The following HDAC9 variants were observed in gnomAD, a reference collection of about 807,000 sequenced individuals.
The protein encoded by HDAC9 is histone deacetylase 9, also known as MEF-2 interacting transcription repressor (MITR) protein.
Under a neutral mutation model 139.4 loss-of-function variants are expected in HDAC9, and 41 were observed. The ratio of observed to expected loss-of-function variants is 0.29; its 90% CI spans 0.23 to 0.38. The LOEUF (loss-of-function observed/expected upper bound fraction) is 0.38, where lower values mean the gene tolerates loss of function less well. HDAC9 is among the 10% of genes least tolerant of loss of function. The probability of loss-of-function intolerance (pLI) is 1.00; values close to 1 mark genes in which losing one functional copy is unlikely to be tolerated. For synonymous variants in HDAC9, 517 were observed against 476.2 expected (o/e 1.09, Z -1.12); for missense variants, 1,147 against 1,297.0 (o/e 0.88, Z 1.78).
At chr7:18,646,451 C>A (rs1787449412) in intron 9 of HDAC9, among the ~76,000 whole-genome samples, 2 of 152,086 alleles carry the variant, frequency 1.3e-5, no homozygotes, top group Non-Finnish European at 2.9e-5. Context: ...ATGAGGCCAT[C>A]ACAATTAATT....
At chr7:18,975,751 G>T in intron 24 of HDAC9, 55 bp from the exon 25 acceptor site, 1 of 1,542,476 alleles carries the variant, frequency 6.5e-7, no homozygotes, top group Admixed American at 1.7e-5. Context: ...TGAGTATTCT[G>T]ATTATTACTG....
chr7:18,377,061 G>T (rs540285276), intron 1 of HDAC9, among the ~76,000 whole-genome samples: 1 of 152,108 alleles, frequency 6.6e-6, no homozygotes, highest in African/African-American at 2.4e-5. Flanking sequence ...TATAGCACCA[G>T]TTTCTGTTCT....
chr7:18,330,802 A>C (rs1800861644), intron 1 of HDAC9, among the ~76,000 whole-genome samples: 1 of 151,742 alleles, frequency 6.6e-6, no homozygotes, highest in African/African-American at 2.4e-5. Flanking sequence ...TAATAAATTC[A>C]CAAGCTTAGA....
chr7:18,829,357 C>A, intron 18 of HDAC9, 104 bp from the exon 19 acceptor site: 2 of 1,109,520 alleles, frequency 1.8e-6, no homozygotes, highest in Non-Finnish European at 2.8e-6. Context: ...AGATTTATGG[C>A]TTCAGAGATC....
intron 21 of HDAC9, among the ~76,000 whole-genome samples, chr7:18,872,851 G>A (rs1377571554): frequency 6.6e-6 from 1 of 152,006 alleles, no homozygotes; most frequent in African/African-American, 2.4e-5. Context: ...TCTGATAGAG[G>A]GAAAAGAGAT....
chr7:18,400,773 ATCCTGAGGCCCAGAAAAG>A (rs1787467699), intron 1 of HDAC9, among the ~76,000 whole-genome samples: 1 of 152,190 alleles, frequency 6.6e-6, no homozygotes, highest in Non-Finnish European at 1.5e-5. Flanking sequence ...AAAGCCATGA[ATCCTGAGGCCCAGAAAAG>A]GAGGAACAGA....
At chr7:18,921,364 C>T (rs1346689819) in intron 22 of HDAC9, among the ~76,000 whole-genome samples, 1 of 152,008 alleles carries the variant, frequency 6.6e-6, no homozygotes, top group Non-Finnish European at 1.5e-5. Flanking sequence ...AGAATCTACA[C>T]TGAACTCAAC....
chr7:18,984,848 T>C (rs1563106776), intron 25 of HDAC9, among the ~76,000 whole-genome samples: 2 of 152,138 alleles, frequency 1.3e-5, no homozygotes, highest in Admixed American at 6.5e-5. Context: ...AGAAAATCTA[T>C]GTCAATTCCC....
At chr7:18,641,750 A>G (rs188000793) in intron 8 of HDAC9, among the ~76,000 whole-genome samples, 39 of 152,160 alleles carry the variant, frequency 2.6e-4, no homozygotes, top group African/African-American at 7.7e-4. Context: ...GCTCACTGCA[A>G]TGCTAAGGTG....
At chr7:18,696,907 C>T (rs963613651) in intron 12 of HDAC9, among the ~76,000 whole-genome samples, 3 of 151,954 alleles carry the variant, frequency 2.0e-5, no homozygotes, top group Admixed American at 6.6e-5. Context: ...ATCACATTCT[C>T]GGTGAGCATC....
At chr7:18,183,260 C>T (rs1178336) in intron 2 of HDAC9, among the ~76,000 whole-genome samples, 126,102 of 152,138 alleles carry the variant, frequency 0.83, 52,564 homozygotes, top group African/African-American at 0.91. Context: ...CCGCCCGCCT[C>T]GGCCTCCCAA....
chr7:18,416,515 A>G (rs1317063979), intron 1 of HDAC9, among the ~76,000 whole-genome samples: 1 of 151,964 alleles, frequency 6.6e-6, no homozygotes, highest in African/African-American at 2.4e-5. Flanking sequence ...AGAATTTGCA[A>G]GTGAAGTCAT....
intron 12 of HDAC9, among the ~76,000 whole-genome samples, chr7:18,676,669 G>A (rs1781532281): frequency 6.6e-6 from 1 of 151,684 alleles, no homozygotes; most frequent in African/African-American, 2.4e-5. Context: ...TATTTCAATT[G>A]TCTGACAAAC....
Position 18,504,680 on chromosome 7 carries a change from C to T in HDAC9, c.22+8356C>T, listed in dbSNP as rs75892648. On this transcript the variant is annotated intron_variant, in intron 2 of 25. Coordinates refer to ENST00000686413, the MANE Select transcript of HDAC9 (RefSeq NM_178425.4). The stretch of plus-strand genomic sequence containing the variant: ...TTTTATGTCATTCTTTTATTATTGA[C>T]ACAATGGCTAATGTTTCAAAAGTTT... 6.2e-3 allele frequency among the ~76,000 whole-genome samples: 947 copies of T among 152,270 alleles called. 10 individuals carry two copies. The highest frequency in any genetic ancestry group is 0.022 in the African/African-American group (917 of 41,562).
intron 19 of HDAC9, among the ~76,000 whole-genome samples, chr7:18,831,883 C>T (rs374618282): frequency 1.1e-4 from 17 of 152,138 alleles, no homozygotes; most frequent in African/African-American, 3.1e-4. Context: ...CAAATTACAG[C>T]GCCAATAGAT....
intron 13 of HDAC9, among the ~76,000 whole-genome samples, chr7:18,729,629 T>A (rs1785859252): frequency 6.6e-6 from 1 of 152,166 alleles, no homozygotes. Context: ...CAGGACATAA[T>A]CCTACCCTGA....
intron 11 of HDAC9, among the ~76,000 whole-genome samples, chr7:18,655,138 A>G (rs1790686856): frequency 6.6e-6 from 1 of 152,178 alleles, no homozygotes; most frequent in Admixed American, 6.6e-5. Flanking sequence ...TTATGTTTTG[A>G]AAAATGGATG....
intron 1 of HDAC9, among the ~76,000 whole-genome samples, chr7:18,104,979 G>A (rs1481175589): frequency 1.3e-5 from 2 of 151,234 alleles, no homozygotes; most frequent in Non-Finnish European, 2.9e-5. Flanking sequence ...GTCTTACCTG[G>A]CTTCCTTGCA....
intron 1 of HDAC9, among the ~76,000 whole-genome samples, chr7:18,464,120 A>G (rs1041296681): frequency 6.6e-6 from 1 of 151,852 alleles, no homozygotes; most frequent in Non-Finnish European, 1.5e-5. Context: ...TTTGTATCTA[A>G]TAGTACTTTT....
Sources: allele counts gnomAD v4.1 joint callset (sites outside exome capture counted in the v4.1 genomes callset), GRCh38; gene constraint gnomAD v4.1.1; transcripts MANE v1.5; gene names NCBI Gene and HGNC (gene_info 2026-07-23, HGNC 2026-07-21).